The following RIMS2 variants were observed in gnomAD, a reference collection of about 807,000 sequenced individuals.
RIMS2 encodes regulating synaptic membrane exocytosis 2, also known as regulating synaptic membrane exocytosis protein 2.
In RIMS2, 59 loss-of-function variants were observed where a neutral mutation model predicts 174.4. The observed-to-expected ratio is 0.34, with a 90% CI of 0.27 to 0.42. The LOEUF (loss-of-function observed/expected upper bound fraction) is 0.42, where lower values mean the gene tolerates loss of function less well. Ranked by LOEUF, RIMS2 falls within the 10% of genes least tolerant of loss-of-function variation. The pLI is 1.00. For synonymous variants in RIMS2, 606 were observed against 572.5 expected, an observed-to-expected ratio of 1.06 and a Z score of -0.84; for missense variants, 1,620 against 1,666.3, an observed-to-expected ratio of 0.97 and a Z score of 0.48.
At chr8:103,792,232 C>A (rs2154444133) in intron 3 of RIMS2, among the ~76,000 whole-genome samples, 1 of 152,320 alleles carries the variant, frequency 6.6e-6, no homozygotes, top group South Asian at 2.1e-4. Context: ...TCTCAGACCA[C>A]AGTGCAATCA....
At chr8:104,056,254 A>G (rs181532511) in intron 19 of RIMS2, among the ~76,000 whole-genome samples, 193 of 152,026 alleles carry the variant, frequency 1.3e-3, no homozygotes, top group Admixed American at 3.4e-3. Context: ...AATACAAAAA[A>G]TTAGCCGGGC....
intron 18 of RIMS2, among the ~76,000 whole-genome samples, 178 bp from the exon 21 acceptor site, chr8:104,014,328 C>T (rs886252508): frequency 6.6e-6 from 1 of 152,298 alleles, no homozygotes; most frequent in Non-Finnish European, 1.5e-5. Context: ...CAAAAATAAA[C>T]ATCTTTTGCT....
At chr8:103,901,144 G>A (rs2099326123) in intron 4 of RIMS2, among the ~76,000 whole-genome samples, 1 of 152,052 alleles carries the variant, frequency 6.6e-6, no homozygotes, top group Non-Finnish European at 1.5e-5. Context: ...TGTTTTTGGG[G>A]AGCCCAGATA....
At position 103,819,821 on chromosome 8, in the gene RIMS2, A is replaced by G. The variant is rs959644691; in HGVS notation, c.698+53284A>G. On this transcript the variant is annotated intron_variant, in intron 3 of 23. Transcript: ENST00000504942. ...AAATAAGCTTACTTCAACCAGAAAA[A>G]GCATCTTAAATTTAACTAGCTTGAC... Among the ~76,000 whole-genome samples the G allele has an allele frequency of 1.4e-4, 21 of 152,152 alleles. 1 individual carries two copies. Among genetic ancestry groups the G allele is most frequent in the Admixed American group, 1.1e-3 (17 of 15,248 alleles).
chr8:103,581,911 T>C (rs1358525830), intron 1 of RIMS2, among the ~76,000 whole-genome samples: 4 of 152,084 alleles, frequency 2.6e-5, no homozygotes, highest in African/African-American at 7.2e-5. Flanking sequence ...AGACAGTGAA[T>C]TGGGGGAGGT....
chr8:103,692,675 G>T (rs576654692), intron 1 of RIMS2, among the ~76,000 whole-genome samples: 1 of 152,198 alleles, frequency 6.6e-6, no homozygotes, highest in Admixed American at 6.5e-5. Context: ...AGTATCTCTA[G>T]AAATGTTGTC....
rs184710131 is a variant in RIMS2, at chr8:104,238,647, C to T, written c.3335-6269C>T. Among the ~76,000 whole-genome samples the T allele has an allele frequency of 4.2e-3, 644 of 152,006 alleles. 1 individual carries two copies. Among genetic ancestry groups the T allele is most frequent in the African/African-American group, 0.015 (607 of 41,482 alleles). On this transcript the variant is annotated intron_variant, in intron 19 of 23. Coordinates refer to ENST00000504942, the Ensembl canonical transcript of RIMS2. The stretch of plus-strand genomic sequence containing the variant: ...TCTTAAAGACGAAAAAGTCTTCTAC[C>T]AAAGACAAACTAGCCACTCAGGACC...
At chr8:104,015,650 CT>C (rs771759096) in intron 19 of RIMS2, among the ~76,000 whole-genome samples, 25 of 152,030 alleles carry the variant, frequency 1.6e-4, no homozygotes, top group Non-Finnish European at 2.9e-4. Context: ...AGTTAAATAT[CT>C]TTGATTCATC....
At chr8:103,978,552 A>T (rs925024448) in intron 16 of RIMS2, among the ~76,000 whole-genome samples, 1 of 152,252 alleles carries the variant, frequency 6.6e-6, no homozygotes, top group Non-Finnish European at 1.5e-5. Flanking sequence ...ATTTTGCTCA[A>T]TTGTATGCTC....
At position 103,970,781 on chromosome 8, in the gene RIMS2, C is replaced by T. The variant is rs139267636; in HGVS notation, c.2771-4569C>T. On this transcript the variant is annotated intron_variant, in intron 15 of 23. Coordinates refer to ENST00000504942, the Ensembl canonical transcript of RIMS2. ...CTTTTACAGATCCAAGATAATTTGT[C>T]GCTTTTTCAGTCTGTTCAGCTTTTT... Among the ~76,000 whole-genome samples, 465 of 152,208 alleles carry T rather than the reference C, an allele frequency of 3.1e-3. 2 individuals carry two copies. The highest frequency in any genetic ancestry group is 0.01 in the African/African-American group (430 of 41,536).
chr8:103,524,065 T>G (rs1246856844), intron 1 of RIMS2, among the ~76,000 whole-genome samples: 1 of 152,200 alleles, frequency 6.6e-6, no homozygotes, highest in Non-Finnish European at 1.5e-5. Context: ...GGATTATATT[T>G]TAATAAAGAT....
chr8:103,885,397 G>T (rs139492859), exon 4 of RIMS2: 1 of 1,612,672 alleles, frequency 6.2e-7, no homozygotes, highest in Non-Finnish European at 8.5e-7. Flanking sequence ...ATACCGCAAT[G>T]CCTAGATCTC....
chr8:103,615,988 C>T (rs530075086), intron 1 of RIMS2, among the ~76,000 whole-genome samples: 1 of 151,958 alleles, frequency 6.6e-6, no homozygotes, highest in Non-Finnish European at 1.5e-5. Flanking sequence ...TTGAAAAAAT[C>T]GAGGAGAAGG....
intron 3 of RIMS2, chr8:103,819,629 G>A (rs745460095): frequency 3.1e-6 from 5 of 1,604,492 alleles, no homozygotes; most frequent in South Asian, 1.1e-5. Context: ...AACAATGCAA[G>A]GTGAGTAGAG....
intron 1 of RIMS2, among the ~76,000 whole-genome samples, chr8:103,665,017 A>G (rs1386273076): frequency 6.6e-6 from 1 of 152,226 alleles, no homozygotes; most frequent in African/African-American, 2.4e-5. Context: ...TAAGCAAACT[A>G]TCACAGGGAC....
At chr8:103,762,888 A>G (rs2098127162) in intron 2 of RIMS2, among the ~76,000 whole-genome samples, 1 of 152,220 alleles carries the variant, frequency 6.6e-6, no homozygotes, top group South Asian at 2.1e-4. Context: ...GTAGTAACAT[A>G]ATTAAAAGTG....
At chr8:103,550,582 A>G (rs1847295692) in intron 1 of RIMS2, among the ~76,000 whole-genome samples, 1 of 152,188 alleles carries the variant, frequency 6.6e-6, no homozygotes, top group South Asian at 2.1e-4. Context: ...AAAAGCTAGC[A>G]GAAGGCAAGA....
At chr8:103,656,881 G>T (rs2096537980) in intron 1 of RIMS2, among the ~76,000 whole-genome samples, 1 of 152,152 alleles carries the variant, frequency 6.6e-6, no homozygotes, top group Admixed American at 6.6e-5. Context: ...CCTTAGGGAA[G>T]CCCCCACAAT....
intron 3 of RIMS2, among the ~76,000 whole-genome samples, chr8:103,848,665 T>C (rs1368308654): frequency 6.6e-6 from 1 of 151,972 alleles, no homozygotes; most frequent in East Asian, 1.9e-4. Flanking sequence ...CCTATGGGTT[T>C]ATGTTGTTCT....
Sources: allele counts gnomAD v4.1 joint callset (sites outside exome capture counted in the v4.1 genomes callset), GRCh38; gene constraint gnomAD v4.1.1; transcripts MANE v1.5; gene names NCBI Gene and HGNC (gene_info 2026-07-23, HGNC 2026-07-21).